Variants in RELL1 observed in about 807,000 individuals in gnomAD.
RELL1 encodes RELT-like protein 1.
In RELL1, 10 loss-of-function variants were observed where a neutral mutation model predicts 23.0. The ratio of observed to expected loss-of-function variants is 0.43; its 90% CI spans 0.27 to 0.74. RELL1 has a LOEUF of 0.74. RELL1 is among the 30% of genes least tolerant of loss of function. The pLI, the probability that RELL1 is intolerant of heterozygous loss-of-function variation, is 0.19. For synonymous variants in RELL1, 146 were observed against 146.8 expected, an observed-to-expected ratio of 0.99 and a Z score of 0.04; for missense variants, 315 against 364.4, an observed-to-expected ratio of 0.86 and a Z score of 1.10.
intron 6 of RELL1, among the ~76,000 whole-genome samples, chr4:37,614,389 A>T (rs1719505497): frequency 6.6e-6 from 1 of 152,164 alleles, no homozygotes; most frequent in African/African-American, 2.4e-5. Context: ...AAAGAAAGAG[A>T]TTTATTTCCC....
rs757740077 is a variant in RELL1, at chr4:37,649,470, C to G, written c.119G>C (p.Arg40Thr). The G allele has an allele frequency of 6.2e-7, 1 of 1,613,916 alleles. No individual in the cohort carries two copies. Among genetic ancestry groups the G allele is most frequent in the Non-Finnish European group, 8.5e-7 (1 of 1,179,944 alleles). Residue 40 changes from arginine (R) to threonine (T), a missense_variant, in exon 2 of 7, where the codon AGA becomes ACA. Transcript: ENST00000454158. ...GCTGGGCGACGGGGTCGTCTCTGTT[C>G]TGGAGTGCAATGTGCGGCTGCTCCC... ...DNGSSRTLHS[R>T]TETTPSPSND...
chr4:37,607,579 C>CTTTTTTT (rs59939694), downstream of RELL1, among the ~76,000 whole-genome samples: 6 of 113,956 alleles, frequency 5.3e-5, no homozygotes, highest in Admixed American at 8.8e-5. Flanking sequence ...TCTTTCTTTT[C>CTTTTTTT]TTTTTTTTTT....
chr4:37,592,986 C>T (rs12640990), intron 6 of RELL1, among the ~76,000 whole-genome samples: 35,227 of 152,082 alleles, frequency 0.23, 5,796 homozygotes, highest in African/African-American at 0.44. Flanking sequence ...CCTTTAAGGA[C>T]GGCACCCTTA....
At chr4:37,678,146 G>A (rs77589039) in intron 1 of RELL1, among the ~76,000 whole-genome samples, 5,518 of 152,222 alleles carry the variant, frequency 0.036, 137 homozygotes, top group East Asian at 0.11. Context: ...ATCACATGGC[G>A]GAAGCAGGAG....
At position 37,667,090 on chromosome 4, in the gene RELL1, A is replaced by G. The variant is rs150616168; in HGVS notation, c.89-17590T>C. Among the ~76,000 whole-genome samples the G allele has an allele frequency of 2.8e-4, 42 of 152,298 alleles. No homozygotes were observed. The East Asian group carries it at 7.7e-3, about 28-fold the overall frequency. ...TCACTTCAGAAAAGGCAAACGAAGGAAAGATTGAACAGAAGTAACCAGGAA... is the reference window on the plus strand; with the variant it reads ...TCACTTCAGAAAAGGCAAACGAAGGGAAGATTGAACAGAAGTAACCAGGAA... On this transcript the variant is annotated intron_variant, in intron 1 of 6. Transcript: ENST00000454158.
chr4:37,668,553 T>C (rs963569690), intron 1 of RELL1, among the ~76,000 whole-genome samples: 4 of 152,030 alleles, frequency 2.6e-5, no homozygotes, highest in African/African-American at 9.7e-5. Flanking sequence ...AGTGGCGTGA[T>C]CTCGGCTCGC....
At position 37,631,626 on chromosome 4, in the gene RELL1, G is replaced by C. The variant is rs563307140; in HGVS notation, c.681-103C>G. The C allele has an allele frequency of 6.1e-6, 8 of 1,305,174 alleles. No homozygotes were observed. In the African/African-American group the frequency reaches 1.2e-4, roughly 19 times the overall value. The allele number at this position is 1,305,174 out of a possible 1,614,324, so 80.8% of individuals were successfully genotyped here. The stretch of plus-strand genomic sequence containing the variant: ...ACCCAGAGGATCTCAAATGAACTCA[G>C]CCAAAAGTTAGGACACAAATGAAAA... On this transcript the variant is annotated intron_variant, in intron 5 of 6. Coordinates refer to ENST00000454158, the MANE Select transcript of RELL1 (RefSeq NM_001085400.2).
chr4:37,633,782 C>A (rs749142614), intron 5 of RELL1, among the ~76,000 whole-genome samples: 1 of 152,182 alleles, frequency 6.6e-6, no homozygotes, highest in South Asian at 2.1e-4. Context: ...CACACAGCAA[C>A]TCTATGAGGT....
intron 6 of RELL1, among the ~76,000 whole-genome samples, chr4:37,620,349 T>C (rs1577568684): frequency 1.3e-5 from 2 of 152,232 alleles, no homozygotes; most frequent in African/African-American, 4.8e-5. Flanking sequence ...AACATACTTA[T>C]ATATTTAGCA....
intron 1 of RELL1, among the ~76,000 whole-genome samples, chr4:37,650,228 A>G (rs1464242879): frequency 2.0e-5 from 3 of 152,368 alleles, no homozygotes; most frequent in African/African-American, 7.2e-5. Flanking sequence ...ACATTCTAGG[A>G]GGATTTAGTA....
chr4:37,645,879 C>T (rs1720694542), intron 3 of RELL1, among the ~76,000 whole-genome samples: 1 of 152,162 alleles, frequency 6.6e-6, no homozygotes, highest in Non-Finnish European at 1.5e-5. Context: ...AGTCAAAAAC[C>T]GTTGAAGAGA....
chr4:37,679,052 G>C (rs1159418661), intron 1 of RELL1, among the ~76,000 whole-genome samples: 1 of 152,144 alleles, frequency 6.6e-6, no homozygotes, highest in Non-Finnish European at 1.5e-5. Flanking sequence ...GGTGGGAATG[G>C]AAAACCAGGT....
At chr4:37,607,430 G>A (rs1435919718), downstream of RELL1, among the ~76,000 whole-genome samples, 3 of 152,166 alleles carry the variant, frequency 2.0e-5, no homozygotes, top group African/African-American at 7.2e-5. Flanking sequence ...AGCAGTAACA[G>A]GCATACCTCA....
At chr4:37,644,559 G>A (rs1720643882) in intron 3 of RELL1, among the ~76,000 whole-genome samples, 1 of 151,286 alleles carries the variant, frequency 6.6e-6, no homozygotes, top group African/African-American at 2.4e-5. Context: ...CTGCCTCCCG[G>A]GTTCAAGTGA....
intron 6 of RELL1, among the ~76,000 whole-genome samples, chr4:37,621,065 C>A (rs1260695949): frequency 6.6e-6 from 1 of 152,206 alleles, no homozygotes; most frequent in Non-Finnish European, 1.5e-5. Flanking sequence ...TATGGTGGAA[C>A]CACTACAGTA....
At chr4:37,607,871 A>C (rs781696297), downstream of RELL1, among the ~76,000 whole-genome samples, 2 of 152,194 alleles carry the variant, frequency 1.3e-5, no homozygotes, top group Non-Finnish European at 2.9e-5. Flanking sequence ...TACAGGCGTG[A>C]GCCACTGCGC....
chr4:37,613,849 C>T (rs540181176), intron 6 of RELL1, among the ~76,000 whole-genome samples: 8 of 152,292 alleles, frequency 5.3e-5, no homozygotes, highest in African/African-American at 1.9e-4. Context: ...CAAACAAAGG[C>T]CCATACTTGT....
intron 5 of RELL1, among the ~76,000 whole-genome samples, chr4:37,633,364 A>C (rs1353110980): frequency 7.5e-6 from 1 of 133,276 alleles, no homozygotes; most frequent in Non-Finnish European, 1.6e-5. Context: ...AGCCGAGTTC[A>C]CACCACTGCA....
At chr4:37,667,292 A>G (rs1721566869) in intron 1 of RELL1, among the ~76,000 whole-genome samples, 1 of 151,842 alleles carries the variant, frequency 6.6e-6, no homozygotes, top group Non-Finnish European at 1.5e-5. Flanking sequence ...AGCATTTTTC[A>G]GATATTAACT....
Sources: gnomAD v4.1 joint callset for allele counts (sites outside exome capture counted in the v4.1 genomes callset) on GRCh38, gnomAD v4.1.1 for gene constraint, MANE v1.5 for transcripts, NCBI Gene and HGNC (gene_info 2026-07-23, HGNC 2026-07-21) for gene names.